The following RALGAPA1 variants were observed in gnomAD, a reference collection of about 807,000 sequenced individuals.
RALGAPA1 encodes the protein ral GTPase-activating protein subunit alpha-1.
A neutral mutation model predicts 269.6 loss-of-function variants in RALGAPA1; 52 were observed. The ratio of observed to expected loss-of-function variants is 0.19; its 90% CI spans 0.15 to 0.24. RALGAPA1 has a LOEUF of 0.24. Among genes scored for constraint, RALGAPA1 ranks in the 10% least tolerant of loss-of-function variants. The probability of loss-of-function intolerance (pLI) is 1.00; values close to 1 mark genes in which losing one functional copy is unlikely to be tolerated. For synonymous variants in RALGAPA1, 817 were observed against 1,008.3 expected (o/e 0.81, Z 3.60); for missense variants, 1,917 against 3,013.9 (o/e 0.64, Z 8.52).
chr14:35,539,700 A>G lies in RALGAPA1; in HGVS notation c.*24-10T>C, dbSNP rs2053790366. On this transcript the variant is annotated splice_polypyrimidine_tract_variant and intron_variant, in intron 41 of 41. Transcript: ENST00000680220. ...ATCTCTGGGTAGGAGCCTGTAGGAAACAGCAAGAGCATTACTACAGTTATC... is the reference window on the plus strand; with the variant it reads ...ATCTCTGGGTAGGAGCCTGTAGGAAGCAGCAAGAGCATTACTACAGTTATC... 6.2e-7 allele frequency: 1 copy of G among 1,613,508 alleles called. No homozygotes were observed. The highest frequency in any genetic ancestry group is 8.5e-7 in the Non-Finnish European group (1 of 1,179,748).
chr14:35,769,020 AAAAAAAAAAAAAAAAATATAT>A (rs2074378691), intron 4 of RALGAPA1, among the ~76,000 whole-genome samples: 2 of 96,180 alleles, frequency 2.1e-5, no homozygotes, highest in Non-Finnish European at 3.8e-5. Flanking sequence ...AAAAAAAAAA[AAAAAAAAAAAAAAAAATATAT>A]ATATATATAT....
chr14:35,715,921 AAG>A, intron 16 of RALGAPA1: 1 of 985,348 alleles, frequency 1.0e-6, no homozygotes, highest in Non-Finnish European at 1.2e-6. Context: ...AATGAGTAAG[AAG>A]AGTCTTAGAG....
At chr14:35,748,973 T>C (rs1048393107) in intron 9 of RALGAPA1, 149 bp from the exon 10 acceptor site, 4 of 1,301,596 alleles carry the variant, frequency 3.1e-6, no homozygotes, top group Non-Finnish European at 4.0e-6. Flanking sequence ...TAGAGTTTCA[T>C]TTAAAAGCCA....
chr14:35,722,871 G>GCTTTTT (rs2069555399), intron 15 of RALGAPA1, among the ~76,000 whole-genome samples, 156 bp downstream of exon 15: 2 of 151,958 alleles, frequency 1.3e-5, no homozygotes, highest in Admixed American at 6.6e-5. Context: ...CGATAAAAAG[G>GCTTTTT]AATGGTATTT....
At chr14:35,651,719 T>C (rs981267090) in intron 31 of RALGAPA1, 86 bp downstream of exon 31, 63 of 1,209,828 alleles carry the variant, frequency 5.2e-5, no homozygotes, top group Non-Finnish European at 6.9e-5. Context: ...ATTTTTACCA[T>C]GTAAATATAC....
chr14:35,613,754 G>A (rs1426688331), intron 35 of RALGAPA1, among the ~76,000 whole-genome samples: 2 of 152,180 alleles, frequency 1.3e-5, no homozygotes, highest in Non-Finnish European at 2.9e-5. Flanking sequence ...CAAATCTAGT[G>A]CAGTGTGACC....
Position 35,684,954 on chromosome 14 carries a change from G to C in RALGAPA1, c.4269C>G (p.Phe1423Leu). 12 of 1,613,208 alleles carry C rather than the reference G, an allele frequency of 7.4e-6. No homozygotes were observed. Among genetic ancestry groups the C allele is most frequent in the Non-Finnish European group, 9.3e-6 (11 of 1,179,838 alleles). ...TGTCAAATTTTCGGCCATCATATTG[G>C]AAAGCGCTGAAAGAATCCGAATGAC... ...SDSHSDSFSA[F>L]QYDGRKFDNF... The change falls in exon 20 of 42, where the codon TTC becomes TTG. Residue 1423 changes from phenylalanine to leucine, a missense_variant. By Grantham distance (22) the Phe-to-Leu change is conservative. This residue lies in a region of RALGAPA1 where 615 missense variants were observed against 790.0 expected (regional missense o/e 0.78). Coordinates refer to ENST00000680220, the MANE Select transcript of RALGAPA1 (RefSeq NM_001346249.2).
chr14:35,801,404 G>A (rs944810783), intron 1 of RALGAPA1, among the ~76,000 whole-genome samples: 1 of 152,062 alleles, frequency 6.6e-6, no homozygotes, highest in African/African-American at 2.4e-5. Context: ...TAGTAGCTGG[G>A]ACTACAAGCA....
At chr14:35,587,398 T>C (rs2138846029) in intron 37 of RALGAPA1, among the ~76,000 whole-genome samples, 1 of 152,344 alleles carries the variant, frequency 6.6e-6, no homozygotes, top group East Asian at 1.9e-4. Flanking sequence ...TAAATCATGC[T>C]GCTGTAAAAA....
intron 9 of RALGAPA1, among the ~76,000 whole-genome samples, chr14:35,750,006 T>C (rs1324776692): frequency 6.6e-6 from 1 of 151,996 alleles, no homozygotes; most frequent in Non-Finnish European, 1.5e-5. Context: ...AAAACAACAG[T>C]TTGAAATATT....
At chr14:35,656,450 T>G (rs1345581860) in intron 28 of RALGAPA1, among the ~76,000 whole-genome samples, 1 of 152,204 alleles carries the variant, frequency 6.6e-6, no homozygotes, top group African/African-American at 2.4e-5. Flanking sequence ...TGTTCCCCAA[T>G]GTATTGCAAA....
intron 17 of RALGAPA1, among the ~76,000 whole-genome samples, chr14:35,696,736 T>G (rs1003023573): frequency 2.6e-4 from 39 of 152,234 alleles, no homozygotes; most frequent in African/African-American, 8.9e-4. Context: ...GTCGTTTCAT[T>G]GAGGTTTTTT....
At chr14:35,596,638 TG>T (rs1351972945) in intron 36 of RALGAPA1, among the ~76,000 whole-genome samples, 1 of 152,124 alleles carries the variant, frequency 6.6e-6, no homozygotes, top group Non-Finnish European at 1.5e-5. Context: ...CATATATGAT[TG>T]TTAGATTTTT....
chr14:35,569,008 A>C (rs1051513173), intron 39 of RALGAPA1, among the ~76,000 whole-genome samples: 2 of 152,210 alleles, frequency 1.3e-5, no homozygotes, highest in Non-Finnish European at 2.9e-5. Context: ...TTTCAGTTTA[A>C]AGTAAGTGAA....
In RALGAPA1 at chr14:35,622,181, G is replaced by C. The variant is rs187205712; in HGVS notation, c.6929+3180C>G. 5.2e-3 allele frequency among the ~76,000 whole-genome samples: 799 copies of C among 152,312 alleles called. 1 individual carries two copies. Among genetic ancestry groups the C allele is most frequent in the African/African-American group, 0.018 (730 of 41,556 alleles). ...CATATACACCACGGAATACTATGCA[G>C]CCATAAAAAAGGATGAGTTAATGTC... On this transcript the variant is annotated intron_variant, in intron 35 of 41. Coordinates refer to ENST00000680220, the MANE Select transcript of RALGAPA1 (RefSeq NM_001346249.2).
At position 35,582,684 on chromosome 14, in the gene RALGAPA1, T is replaced by A. The variant is rs180703650; in HGVS notation, c.7210-9966A>T. On this transcript the variant is annotated intron_variant, in intron 37 of 41. Transcript: ENST00000680220. ...AGCTCTACCAGGTCCTCACAGTGAA[T>A]AATAGAGAAAAATATCCTCTTGCTT... 2.1e-3 allele frequency among the ~76,000 whole-genome samples: 323 copies of A among 152,240 alleles called. 4 individuals carry two copies. The highest frequency in any genetic ancestry group is 7.5e-3 in the African/African-American group (310 of 41,554).
intron 16 of RALGAPA1, among the ~76,000 whole-genome samples, chr14:35,719,789 TCGC>T (rs1381729063): frequency 2.0e-5 from 3 of 151,946 alleles, no homozygotes; most frequent in Non-Finnish European, 2.9e-5. Flanking sequence ...GCTCCCTCTG[TCGC>T]TCCCTCTGTC....
chr14:35,668,992 T>A (rs1456246219), intron 26 of RALGAPA1, among the ~76,000 whole-genome samples: 2 of 152,120 alleles, frequency 1.3e-5, no homozygotes, highest in South Asian at 4.1e-4. Context: ...CTTGAACACA[T>A]CTCACTCATG....
chr14:35,733,290 C>T (rs1002842181), intron 12 of RALGAPA1, among the ~76,000 whole-genome samples: 1 of 152,138 alleles, frequency 6.6e-6, no homozygotes, highest in African/African-American at 2.4e-5. Context: ...CCAGCTTGAC[C>T]AACATGGAGA....
Sources: allele counts gnomAD v4.1 joint callset (sites outside exome capture counted in the v4.1 genomes callset), GRCh38; gene constraint gnomAD v4.1.1; regional missense constraint gnomAD v4.1.1; transcripts MANE v1.5; gene names NCBI Gene and HGNC (gene_info 2026-07-23, HGNC 2026-07-21).